GRIA1: variants seen among roughly 807,000 people sequenced by gnomAD.
GRIA1 encodes glutamate ionotropic receptor AMPA type subunit 1, also known as glutamate receptor 1.
GRIA1 carries 31 observed loss-of-function variants against 99.2 expected under a neutral mutation model. The observed-to-expected ratio is 0.31, with a 90% CI of 0.23 to 0.42. GRIA1 has a LOEUF of 0.42. GRIA1 is among the 10% of genes least tolerant of loss of function. The pLI, the probability that GRIA1 is intolerant of heterozygous loss-of-function variation, is 1.00. For synonymous variants in GRIA1, 438 were observed against 432.4 expected (o/e 1.01, Z -0.16); for missense variants, 782 against 1,157.5 (o/e 0.68, Z 4.71).
At chr5:153,701,619 CAAAAAAAAA>C (rs70978504) in intron 10 of GRIA1, among the ~76,000 whole-genome samples, 1 of 39,426 alleles carries the variant, frequency 2.5e-5, no homozygotes, top group Non-Finnish European at 4.5e-5. Flanking sequence ...AGACCCGTCT[CAAAAAAAAA>C]AAAAAAAAAA....
At chr5:153,607,655 A>G (rs903130582) in intron 2 of GRIA1, among the ~76,000 whole-genome samples, 15 of 152,062 alleles carry the variant, frequency 9.9e-5, no homozygotes, top group Non-Finnish European at 4.4e-5. Context: ...GGCATATCAA[A>G]TGTTATTGTA....
chr5:153,794,408 T>A (rs1402928225), intron 13 of GRIA1, among the ~76,000 whole-genome samples: 2 of 152,190 alleles, frequency 1.3e-5, no homozygotes, highest in African/African-American at 2.4e-5. Flanking sequence ...TAGGTTACAA[T>A]GACGCCTCTC....
intron 2 of GRIA1, among the ~76,000 whole-genome samples, chr5:153,603,431 A>C (rs969356270): frequency 1.3e-5 from 2 of 152,134 alleles, no homozygotes; most frequent in African/African-American, 4.8e-5. Context: ...CCCTTTGGCT[A>C]TATACCCAGT....
intron 11 of GRIA1, among the ~76,000 whole-genome samples, chr5:153,733,222 G>A (rs1408485592): frequency 1.3e-5 from 2 of 152,014 alleles, no homozygotes; most frequent in Non-Finnish European, 2.9e-5. Context: ...AAGTAAAAAT[G>A]TAGAATTTGT....
intron 11 of GRIA1, among the ~76,000 whole-genome samples, chr5:153,711,576 G>T (rs1212434755): frequency 6.6e-6 from 1 of 152,176 alleles, no homozygotes; most frequent in East Asian, 1.9e-4. Context: ...TACACATGAG[G>T]AAACTGAGGC....
At chr5:153,591,238 T>C (rs751031028) in intron 2 of GRIA1, among the ~76,000 whole-genome samples, 6 of 152,238 alleles carry the variant, frequency 3.9e-5, no homozygotes, top group Non-Finnish European at 7.3e-5. Context: ...TCCTGACCTT[T>C]TAATTGCCTG....
At chr5:153,544,244 G>C (rs1246065444) in intron 2 of GRIA1, among the ~76,000 whole-genome samples, 1 of 152,148 alleles carries the variant, frequency 6.6e-6, no homozygotes, top group Non-Finnish European at 1.5e-5. Context: ...TCCTCTGGTG[G>C]GGTCTCTGAA....
chr5:153,567,668 C>T lies in GRIA1; in HGVS notation c.220+73603C>T, dbSNP rs181030360. ...GATTAATAGTTGAGAAAGGCATCTCCGAGTGATGACCTGAAGACAGAGTCC... is the reference window on the plus strand; with the variant it reads ...GATTAATAGTTGAGAAAGGCATCTCTGAGTGATGACCTGAAGACAGAGTCC... On this transcript the variant is annotated intron_variant, in intron 2 of 15. Coordinates refer to ENST00000285900, the MANE Select transcript of GRIA1 (RefSeq NM_000827.4). 3.9e-5 allele frequency among the ~76,000 whole-genome samples: 6 copies of T among 152,254 alleles called. No homozygotes were observed. In the East Asian group the frequency reaches 5.8e-4, roughly 15 times the overall value.
chr5:153,583,022 T>C (rs971565497), intron 2 of GRIA1, among the ~76,000 whole-genome samples: 1 of 152,078 alleles, frequency 6.6e-6, no homozygotes, highest in African/African-American at 2.4e-5. Flanking sequence ...CATCTCAAAC[T>C]CCTGACCTCA....
chr5:153,776,033 A>G (rs1027322449), intron 13 of GRIA1, among the ~76,000 whole-genome samples: 2 of 152,290 alleles, frequency 1.3e-5, no homozygotes, highest in Non-Finnish European at 2.9e-5. Context: ...TGCATGTTTT[A>G]CTATGTCAGT....
At chr5:153,666,638 G>T (rs1158283497) in intron 5 of GRIA1, among the ~76,000 whole-genome samples, 1 of 152,166 alleles carries the variant, frequency 6.6e-6, no homozygotes, top group Non-Finnish European at 1.5e-5. Context: ...CTGAGCAGGA[G>T]CTACTCCATT....
chr5:153,499,656 C>T (rs1754795807), intron 2 of GRIA1, among the ~76,000 whole-genome samples: 1 of 130,458 alleles, frequency 7.7e-6, no homozygotes, highest in Non-Finnish European at 1.6e-5. Flanking sequence ...AATATATGGA[C>T]AGAGAAAAGT....
chr5:153,661,623 G>A (rs545428761), intron 5 of GRIA1, among the ~76,000 whole-genome samples: 1 of 152,216 alleles, frequency 6.6e-6, no homozygotes, highest in Admixed American at 6.5e-5. Flanking sequence ...CCAGGGCCTG[G>A]CGAAGTGAGT....
At position 153,652,824 on chromosome 5, in the gene GRIA1, T is replaced by C. The variant is rs149530970; in HGVS notation, c.645+2310T>C. ...GATTAAGTTATTTGCCTTAGACAAATAATGAATGACAGTAATGAGCCTACA... is the reference window on the plus strand; with the variant it reads ...GATTAAGTTATTTGCCTTAGACAAACAATGAATGACAGTAATGAGCCTACA... On this transcript the variant is annotated intron_variant, in intron 4 of 15. Transcript: ENST00000285900. 5.5e-3 allele frequency among the ~76,000 whole-genome samples: 841 copies of C among 152,288 alleles called. 7 individuals are homozygous for C. The highest frequency in any genetic ancestry group is 0.024 in the Middle Eastern group (7 of 294).
chr5:153,739,914 CAAAA>C (rs1305151828), intron 11 of GRIA1, among the ~76,000 whole-genome samples: 3 of 152,108 alleles, frequency 2.0e-5, no homozygotes, highest in African/African-American at 7.2e-5. Context: ...TCTTGGAAAA[CAAAA>C]AGAAAGTAAG....
chr5:153,780,935 C>T (rs777879212), intron 13 of GRIA1, among the ~76,000 whole-genome samples: 1 of 152,070 alleles, frequency 6.6e-6, no homozygotes. Context: ...ACACTGCATT[C>T]CTCTATATGC....
intron 2 of GRIA1, among the ~76,000 whole-genome samples, chr5:153,642,087 T>C (rs1753812758): frequency 6.6e-6 from 1 of 152,196 alleles, no homozygotes; most frequent in Admixed American, 6.5e-5. Context: ...TACCACTCAA[T>C]TTTATTTGCT....
At chr5:153,700,016 TG>T (rs923711593) in intron 10 of GRIA1, among the ~76,000 whole-genome samples, 4 of 152,220 alleles carry the variant, frequency 2.6e-5, no homozygotes, top group Admixed American at 2.6e-4. Context: ...CTATATTGTA[TG>T]GCTCAGCTAA....
intron 2 of GRIA1, among the ~76,000 whole-genome samples, chr5:153,591,776 G>A (rs941856620): frequency 6.6e-6 from 1 of 152,198 alleles, no homozygotes; most frequent in African/African-American, 2.4e-5. Flanking sequence ...GATTCCTGCA[G>A]CAAGAATGCC....
Sources: gnomAD v4.1 joint callset for allele counts (sites outside exome capture counted in the v4.1 genomes callset) on GRCh38, gnomAD v4.1.1 for gene constraint, MANE v1.5 for transcripts, NCBI Gene and HGNC (gene_info 2026-07-23, HGNC 2026-07-21) for gene names.